CPPED1: variants seen among roughly 807,000 people sequenced by gnomAD.
CPPED1 encodes the protein calcineurin like phosphoesterase domain containing 1, also known as serine/threonine-protein phosphatase CPPED1.
CPPED1 carries 28 observed loss-of-function variants against 28.0 expected under a neutral mutation model. That is an observed-to-expected ratio of 1.00 (90% CI 0.74 to 1.37). The LOEUF (loss-of-function observed/expected upper bound fraction) is 1.37, where lower values mean the gene tolerates loss of function less well. Ranked by LOEUF, CPPED1 falls within the 40% of genes most tolerant of loss-of-function variation. CPPED1 has a pLI of 0.00. For synonymous variants in CPPED1, 198 were observed against 180.2 expected, an observed-to-expected ratio of 1.10 and a Z score of -0.79; for missense variants, 504 against 416.5, an observed-to-expected ratio of 1.21 and a Z score of -1.83.
chr16:12,785,498 G>C (rs1317418012), intron 1 of CPPED1, among the ~76,000 whole-genome samples: 2 of 145,420 alleles, frequency 1.4e-5, no homozygotes, highest in Non-Finnish European at 3.0e-5. Flanking sequence ...TGCAATCTCT[G>C]CTTACTGCAA....
chr16:12,689,650 A>G (rs1244732839), intron 3 of CPPED1, among the ~76,000 whole-genome samples: 1 of 152,104 alleles, frequency 6.6e-6, no homozygotes, highest in African/African-American at 2.4e-5. Flanking sequence ...AAACCACACT[A>G]AAGATGCAGG....
At chr16:12,734,035 TTGTCTC>T in intron 2 of CPPED1, among the ~76,000 whole-genome samples, 1 of 151,788 alleles carries the variant, frequency 6.6e-6, no homozygotes, top group Non-Finnish European at 1.5e-5. Flanking sequence ...TAATTTGTCT[TTGTCTC>T]TGTTTTCAAA....
At chr16:12,781,132 CA>C in intron 2 of CPPED1, 52 bp downstream of exon 2, 2 of 1,513,966 alleles carry the variant, frequency 1.3e-6, no homozygotes, top group Non-Finnish European at 9.1e-7. Context: ...TGCCCAAATG[CA>C]GTCATGACCG....
At chr16:12,726,392 G>C (rs1368526674) in intron 2 of CPPED1, among the ~76,000 whole-genome samples, 1 of 147,160 alleles carries the variant, frequency 6.8e-6, no homozygotes, top group Non-Finnish European at 1.5e-5. Flanking sequence ...GCCCAGGCTG[G>C]AGTGCAGTGG....
At chr16:12,719,295 G>A (rs542322806) in intron 2 of CPPED1, among the ~76,000 whole-genome samples, 1 of 151,932 alleles carries the variant, frequency 6.6e-6, no homozygotes, top group Non-Finnish European at 1.5e-5. Context: ...GGAAGCTGAG[G>A]CAGGAGAATG....
At chr16:12,701,159 TC>T (rs2080018325) in intron 3 of CPPED1, among the ~76,000 whole-genome samples, 1 of 151,048 alleles carries the variant, frequency 6.6e-6, no homozygotes, top group Non-Finnish European at 1.5e-5. Context: ...AGCCCAGGAA[TC>T]CAGGGCTGCA....
In CPPED1 at chr16:12,750,998, AC is replaced by A. The variant is rs372290089; in HGVS notation, c.289+30186del. Among the ~76,000 whole-genome samples, 31 of 151,354 alleles carry A rather than the reference AC, an allele frequency of 2.0e-4. No individual in the cohort carries two copies. In the East Asian group the frequency reaches 4.7e-3, roughly 23 times the overall value. Reference sequence around the variant, plus strand: ...AGGAAAAACAAACAAACAAACAACAACAACAAAAAAAACAGAAAAAATGATG... The same window carrying A: ...AGGAAAAACAAACAAACAAACAACAAAACAAAAAAAACAGAAAAAATGATG... On this transcript the variant is annotated intron_variant, in intron 2 of 3. Coordinates refer to ENST00000381774, the MANE Select transcript of CPPED1 (RefSeq NM_018340.3).
At chr16:12,800,116 T>C (rs930168353) in intron 1 of CPPED1, among the ~76,000 whole-genome samples, 4 of 152,084 alleles carry the variant, frequency 2.6e-5, no homozygotes, top group Non-Finnish European at 4.4e-5. Flanking sequence ...CCGTGCCCAA[T>C]AGGCACCTCC....
intron 3 of CPPED1, among the ~76,000 whole-genome samples, chr16:12,683,641 C>G (rs2079917611): frequency 6.6e-6 from 1 of 152,172 alleles, no homozygotes; most frequent in South Asian, 2.1e-4. Flanking sequence ...GTGGGAGTCA[C>G]CCCGAGACTC....
chr16:12,734,601 G>C (rs949585608), intron 2 of CPPED1, among the ~76,000 whole-genome samples: 1 of 152,030 alleles, frequency 6.6e-6, no homozygotes, highest in Admixed American at 6.6e-5. Flanking sequence ...GGATGGTCTT[G>C]ATCTCCTGAC....
At chr16:12,744,669 C>T (rs1403442171) in intron 2 of CPPED1, among the ~76,000 whole-genome samples, 1 of 152,090 alleles carries the variant, frequency 6.6e-6, no homozygotes, top group East Asian at 1.9e-4. Context: ...GGAGTGCAGG[C>T]ATCAAAGCAT....
chr16:12,754,256 A>G (rs1417060935), intron 2 of CPPED1, among the ~76,000 whole-genome samples: 1 of 152,184 alleles, frequency 6.6e-6, no homozygotes, highest in African/African-American at 2.4e-5. Flanking sequence ...CTCCACCTCT[A>G]GAACATTTCG....
chr16:12,752,859 G>A (rs938802704), intron 2 of CPPED1: 11 of 147,660 alleles, frequency 7.4e-5, no homozygotes, highest in African/African-American at 2.5e-4. Context: ...TATACTAGCT[G>A]TACTATTTAT....
intron 2 of CPPED1, among the ~76,000 whole-genome samples, chr16:12,710,360 G>C (rs2080073691): frequency 6.6e-6 from 1 of 150,552 alleles, no homozygotes; most frequent in African/African-American, 2.4e-5. Context: ...TGGTCATGTT[G>C]TTTACTGTCA....
intron 3 of CPPED1, among the ~76,000 whole-genome samples, chr16:12,698,113 C>T (rs1303352471): frequency 1.3e-5 from 2 of 151,914 alleles, no homozygotes; most frequent in African/African-American, 4.8e-5. Flanking sequence ...CTGACCCCAA[C>T]CCCCACCAAA....
At chr16:12,746,401 T>C (rs1490878480) in intron 2 of CPPED1, among the ~76,000 whole-genome samples, 8 of 145,968 alleles carry the variant, frequency 5.5e-5, no homozygotes, top group Non-Finnish European at 1.2e-4. Flanking sequence ...AAAAATTCGA[T>C]GTCCAGTGAG....
At chr16:12,667,330 A>T (rs1894436419) in intron 3 of CPPED1, among the ~76,000 whole-genome samples, 1 of 152,222 alleles carries the variant, frequency 6.6e-6, no homozygotes, top group Admixed American at 6.5e-5. Context: ...TCCTTAATAA[A>T]GGACTAACAC....
chr16:12,707,027 C>T (rs2080055222), intron 2 of CPPED1, among the ~76,000 whole-genome samples: 1 of 152,176 alleles, frequency 6.6e-6, no homozygotes. Context: ...ATTGACATTG[C>T]TTCTTTAGCC....
intron 1 of CPPED1, among the ~76,000 whole-genome samples, chr16:12,789,469 C>T (rs2080583535): frequency 6.6e-6 from 1 of 152,056 alleles, no homozygotes; most frequent in South Asian, 2.1e-4. Flanking sequence ...ATATCCAAGC[C>T]AGGAATGCCT....
Sources: gnomAD v4.1 joint callset for allele counts (sites outside exome capture counted in the v4.1 genomes callset) on GRCh38, gnomAD v4.1.1 for gene constraint, MANE v1.5 for transcripts, NCBI Gene and HGNC (gene_info 2026-07-23, HGNC 2026-07-21) for gene names.